The following TMEM267 variants were observed in gnomAD, a reference collection of about 807,000 sequenced individuals.
TMEM267 encodes transmembrane protein 267.
TMEM267 carries 20 observed loss-of-function variants against 19.3 expected under a neutral mutation model. That is an observed-to-expected ratio of 1.04 (90% CI 0.73 to 1.51). TMEM267 has a LOEUF of 1.51. Among genes scored for constraint, TMEM267 ranks in the 40% most tolerant of loss-of-function variants. The probability of loss-of-function intolerance (pLI) is 0.00; values close to 1 mark genes in which losing one functional copy is unlikely to be tolerated. For missense variants in TMEM267, 242 were observed against 261.9 expected, an observed-to-expected ratio of 0.92 and a Z score of 0.52; for synonymous variants, 88 against 90.3, an observed-to-expected ratio of 0.97 and a Z score of 0.15.
intron 1 of TMEM267, among the ~76,000 whole-genome samples, chr5:43,476,530 T>A (rs1374091181): frequency 6.8e-6 from 1 of 147,102 alleles, no homozygotes; most frequent in African/African-American, 2.5e-5. Flanking sequence ...TTTTTTTTTT[T>A]TTTTTTTGCA....
intron 1 of TMEM267, among the ~76,000 whole-genome samples, chr5:43,465,471 C>A (rs1437592634): frequency 6.6e-6 from 1 of 152,046 alleles, no homozygotes; most frequent in African/African-American, 2.4e-5. Context: ...GGGTATATAC[C>A]CAAAGGATTA....
In TMEM267 at chr5:43,457,197, A is replaced by C. The variant is rs540177892; in HGVS notation, c.-74-3154T>G. Among the ~76,000 whole-genome samples the C allele has an allele frequency of 2.1e-4, 32 of 152,360 alleles. No individual in the cohort carries two copies. In the South Asian group the frequency reaches 6.2e-3, roughly 30 times the overall value. The stretch of plus-strand genomic sequence containing the variant: ...GGACTTTAGTCAAAAATAACATATC[A>C]ATATTGGTTCCCTACTTGTATCAAA... On this transcript the variant is annotated intron_variant, in intron 1 of 2. Transcript: ENST00000397080.
chr5:43,465,963 A>G (rs1335698435), intron 1 of TMEM267, among the ~76,000 whole-genome samples: 2 of 89,620 alleles, frequency 2.2e-5, no homozygotes, highest in Non-Finnish European at 4.1e-5. Context: ...ATAATAATAA[A>G]ATTTAAAAAA....
chr5:43,477,132 T>G (rs980668024), intron 1 of TMEM267, among the ~76,000 whole-genome samples: 2 of 151,404 alleles, frequency 1.3e-5, no homozygotes, highest in African/African-American at 4.9e-5. Flanking sequence ...GAAGCTGCAG[T>G]AAAAAACTAC....
At chr5:43,479,000 A>AAT (rs1339309367) in intron 1 of TMEM267, among the ~76,000 whole-genome samples, 3 of 152,068 alleles carry the variant, frequency 2.0e-5, no homozygotes, top group Admixed American at 6.5e-5. Context: ...TACATTTCCA[A>AAT]TTCCAGGAAA....
At chr5:43,451,913 A>C (rs993556905) in intron 2 of TMEM267, among the ~76,000 whole-genome samples, 2 of 151,884 alleles carry the variant, frequency 1.3e-5, no homozygotes, top group African/African-American at 4.8e-5. Context: ...TGCCTCTACA[A>C]ATAATTTTTT....
At position 43,461,858 on chromosome 5, in the gene TMEM267, GA is replaced by G. The variant is rs768563715; in HGVS notation, c.-74-7816del. On this transcript the variant is annotated intron_variant, in intron 1 of 2. Coordinates refer to ENST00000397080, the MANE Select transcript of TMEM267 (RefSeq NM_022483.5). ...CTCTAGACCCACCCAGGGCCTGGGG[GA>G]CCTCACTGCCCTGAAAGGAAGGACA... is the stretch of plus-strand genomic sequence containing the variant. Among the ~76,000 whole-genome samples, 21 of 152,138 alleles carry G rather than the reference GA, an allele frequency of 1.4e-4. 1 individual carries two copies. The East Asian group carries it at 1.7e-3, about 13-fold the overall frequency.
At chr5:43,449,025 CAAA>C (rs757310131) in intron 2 of TMEM267, among the ~76,000 whole-genome samples, 5 of 150,376 alleles carry the variant, frequency 3.3e-5, no homozygotes, top group Non-Finnish European at 5.9e-5. Context: ...GGAAAAAAAA[CAAA>C]AACAATCTAA....
intron 1 of TMEM267, among the ~76,000 whole-genome samples, chr5:43,482,923 T>C (rs887063573): frequency 2.5e-4 from 38 of 152,170 alleles, no homozygotes; most frequent in African/African-American, 8.4e-4. Flanking sequence ...TAAGAGCTGA[T>C]ACATTCTCTA....
At chr5:43,458,048 C>T (rs1381565085) in intron 1 of TMEM267, among the ~76,000 whole-genome samples, 4 of 151,994 alleles carry the variant, frequency 2.6e-5, no homozygotes, top group Non-Finnish European at 5.9e-5. Flanking sequence ...CAGGCATGAG[C>T]CATCATGCCT....
At chr5:43,483,025 A>T (rs1219279863) in intron 1 of TMEM267, among the ~76,000 whole-genome samples, 2 of 152,244 alleles carry the variant, frequency 1.3e-5, no homozygotes, top group Non-Finnish European at 2.9e-5. Context: ...TCCAAATTCC[A>T]GAAACCGCCT....
chr5:43,446,985 T>A (rs1277892177), intron 2 of TMEM267, among the ~76,000 whole-genome samples: 1 of 152,106 alleles, frequency 6.6e-6, no homozygotes, highest in Non-Finnish European at 1.5e-5. Context: ...TTTTGTTATA[T>A]CCATTTTATA....
At chr5:43,483,554 G>C (rs188889340) in intron 1 of TMEM267, among the ~76,000 whole-genome samples, 113 of 152,294 alleles carry the variant, frequency 7.4e-4, no homozygotes, top group South Asian at 3.7e-3. Flanking sequence ...TAGGGATCTA[G>C]AAAAAGCGCG....
intron 1 of TMEM267, among the ~76,000 whole-genome samples, chr5:43,472,064 A>T (rs1744113634): frequency 6.6e-6 from 1 of 152,244 alleles, no homozygotes; most frequent in Admixed American, 6.5e-5. Flanking sequence ...TAATAACCAA[A>T]ATACGTAAGT....
chr5:43,475,185 T>C (rs576505507), intron 1 of TMEM267, among the ~76,000 whole-genome samples: 1 of 152,316 alleles, frequency 6.6e-6, no homozygotes, highest in South Asian at 2.1e-4. Context: ...CAGAATACTA[T>C]GCAACCATAA....
intron 1 of TMEM267, among the ~76,000 whole-genome samples, chr5:43,462,029 G>A (rs1360604954): frequency 6.6e-6 from 1 of 152,230 alleles, no homozygotes; most frequent in Non-Finnish European, 1.5e-5. Flanking sequence ...CACAGTCATG[G>A]TAGTTGTGGC....
chr5:43,455,943 C>T (rs146446710), intron 1 of TMEM267, among the ~76,000 whole-genome samples: 2 of 151,914 alleles, frequency 1.3e-5, no homozygotes, highest in Admixed American at 1.3e-4. Context: ...TTAAGAAGTT[C>T]TCCTACCTCA....
At position 43,453,953 on chromosome 5, in the gene TMEM267, T is replaced by G. The variant is rs916732523; in HGVS notation, c.17A>C (p.Glu6Ala). ...AGTCTGCAGTAAAGCATGGGTCTTT[T>G]CAGTCTCGGATGCCATGACAAACAA... MASET[E>A]KTHALLQTCS... The change falls in exon 2 of 3, where the codon GAA becomes GCA. Residue 6 changes from glutamate (E) to alanine (A), a missense_variant. Coordinates refer to ENST00000397080, the MANE Select transcript of TMEM267 (RefSeq NM_022483.5). The G allele has an allele frequency of 1.9e-6, 3 of 1,613,582 alleles. No homozygotes were observed. The highest frequency in any genetic ancestry group is 3.3e-5 in the Admixed American group (2 of 59,934).
At chr5:43,469,186 TTAG>T (rs1743922199) in intron 1 of TMEM267, among the ~76,000 whole-genome samples, 1 of 151,080 alleles carries the variant, frequency 6.6e-6, no homozygotes, top group Non-Finnish European at 1.5e-5. Flanking sequence ...AAGCCCAAAA[TTAG>T]TAGAAGAAAA....
Sources: allele counts gnomAD v4.1 joint callset (sites outside exome capture counted in the v4.1 genomes callset), GRCh38; gene constraint gnomAD v4.1.1; transcripts MANE v1.5; gene names NCBI Gene and HGNC (gene_info 2026-07-23, HGNC 2026-07-21).